The following PRKCB variants were observed in gnomAD, a reference collection of about 807,000 sequenced individuals.
PRKCB encodes the protein protein kinase C beta type.
A neutral mutation model predicts 81.5 loss-of-function variants in PRKCB; 13 were observed. The observed-to-expected ratio is 0.16, with a 90% CI of 0.10 to 0.25. The LOEUF (loss-of-function observed/expected upper bound fraction) is 0.25. PRKCB is among the 10% of genes least tolerant of loss of function. The pLI is 1.00. For missense variants in PRKCB, 509 were observed against 875.7 expected, an observed-to-expected ratio of 0.58 and a Z score of 5.29; for synonymous variants, 335 against 321.4, an observed-to-expected ratio of 1.04 and a Z score of -0.45.
At chr16:23,988,658 G>A in intron 3 of PRKCB, 68 bp downstream of exon 3, 1 of 1,392,222 alleles carries the variant, frequency 7.2e-7, no homozygotes. Flanking sequence ...AAATGTGAGT[G>A]AGCATTCTTA....
intron 13 of PRKCB, among the ~76,000 whole-genome samples, chr16:24,183,718 C>T (rs1967661788): frequency 6.6e-6 from 1 of 152,184 alleles, no homozygotes; most frequent in Non-Finnish European, 1.5e-5. Context: ...AGTTAAGTAA[C>T]TTCTCCTGTG....
At chr16:24,036,989 T>C (rs996766870) in intron 5 of PRKCB, among the ~76,000 whole-genome samples, 3 of 152,166 alleles carry the variant, frequency 2.0e-5, no homozygotes, top group Non-Finnish European at 4.4e-5. Context: ...CATTGTGAAA[T>C]CTCTATTATT....
At chr16:23,884,639 A>G (rs1446000052) in intron 2 of PRKCB, among the ~76,000 whole-genome samples, 2 of 152,088 alleles carry the variant, frequency 1.3e-5, no homozygotes, top group East Asian at 1.9e-4. Flanking sequence ...GCCTAAAACA[A>G]TCCTCCCACC....
chr16:24,154,479 A>G (rs758838583), intron 9 of PRKCB, among the ~76,000 whole-genome samples: 22 of 152,264 alleles, frequency 1.4e-4, no homozygotes, highest in Middle Eastern at 6.8e-3. Flanking sequence ...TGATCATGCT[A>G]TTGCAATCTA....
chr16:24,215,367 C>T lies in PRKCB; in HGVS notation c.*551C>T. ...ACTCAAAGTTAAGATGATCAAAGTT[C>T]TAAAATTCCAAGAATGTGCTTTTAG... On this transcript the variant is annotated 3_prime_UTR_variant, in exon 17 of 17. Coordinates refer to ENST00000643927, the MANE Select transcript of PRKCB (RefSeq NM_002738.7). 1 of 986,078 alleles carries T rather than the reference C, an allele frequency of 1.0e-6. No homozygotes were observed. Among genetic ancestry groups the T allele is most frequent in the Non-Finnish European group, 1.2e-6 (1 of 830,142 alleles). 61.1% of individuals were successfully genotyped at this position (986,078 alleles called of 1,614,324 possible). A position where few individuals can be genotyped will look rare whatever the true frequency, so the allele number is the denominator to read the frequency against.
chr16:23,885,633 C>T (rs1963186997), intron 2 of PRKCB, among the ~76,000 whole-genome samples: 1 of 152,234 alleles, frequency 6.6e-6, no homozygotes. Context: ...CCCCTCTTTG[C>T]CCCCTTTTCT....
At position 23,858,417 on chromosome 16, in the gene PRKCB, A is replaced by T. The variant is rs532030619; in HGVS notation, c.205+21011A>T. Among the ~76,000 whole-genome samples the T allele has an allele frequency of 2.8e-3, 430 of 152,314 alleles. 1 individual carries two copies. The highest frequency in any genetic ancestry group is 4.8e-3 in the Non-Finnish European group (325 of 68,022). On this transcript the variant is annotated intron_variant, in intron 2 of 16. Transcript: ENST00000643927. ...ATGGCAACCAGGAAGGATCTGGTAT[A>T]CGGGATGGTGATAAGGCCCATCTCT...
At chr16:24,158,559 T>A (rs113661651) in intron 10 of PRKCB, among the ~76,000 whole-genome samples, 4,378 of 144,222 alleles carry the variant, frequency 0.03, 91 homozygotes, top group Middle Eastern at 0.047. Flanking sequence ...TATATGTATA[T>A]GTATATGTAT....
intron 2 of PRKCB, among the ~76,000 whole-genome samples, chr16:23,938,402 C>T (rs1340167487): frequency 6.6e-6 from 1 of 152,166 alleles, no homozygotes; most frequent in African/African-American, 2.4e-5. Context: ...AAATTAGGAA[C>T]TTAAGAATGA....
At chr16:24,167,011 C>CTCTCTCTCACTTACT (rs1967357624) in intron 10 of PRKCB, among the ~76,000 whole-genome samples, 2 of 152,158 alleles carry the variant, frequency 1.3e-5, no homozygotes, top group East Asian at 3.9e-4. Context: ...CAAGTGAAAT[C>CTCTCTCTCACTTACT]TCTCTCTCAC....
At chr16:23,910,771 C>T (rs957308818) in intron 2 of PRKCB, among the ~76,000 whole-genome samples, 2 of 152,106 alleles carry the variant, frequency 1.3e-5, no homozygotes, top group Non-Finnish European at 2.9e-5. Flanking sequence ...AATTCCAGAA[C>T]ATTCTCATCA....
chr16:24,209,936 C>T (rs1234563293), intron 16 of PRKCB, among the ~76,000 whole-genome samples: 1 of 151,306 alleles, frequency 6.6e-6, no homozygotes, highest in South Asian at 2.1e-4. Flanking sequence ...AGACCCCACA[C>T]ACACACCCTG....
At chr16:23,966,287 C>T (rs1261545710) in intron 2 of PRKCB, among the ~76,000 whole-genome samples, 2 of 152,188 alleles carry the variant, frequency 1.3e-5, no homozygotes, top group East Asian at 1.9e-4. Context: ...ACGGTTTCCT[C>T]CTCTACCATC....
At chr16:23,938,678 T>C (rs8055482) in intron 2 of PRKCB, among the ~76,000 whole-genome samples, 59,832 of 152,102 alleles carry the variant, frequency 0.39, 12,038 homozygotes, top group South Asian at 0.55. Context: ...TTTACTTAAT[T>C]TTTCATCTTT....
rs1391826679 is a variant in PRKCB at position 24,185,141 on chromosome 16, G to A, written c.1564G>A (p.Val522Met). 2.5e-6 allele frequency: 4 copies of A among 1,614,066 alleles called. No individual in the cohort carries two copies. Among genetic ancestry groups the A allele is most frequent in the South Asian group, 1.1e-5 (1 of 91,070 alleles). The change falls in exon 14 of 17, where the codon GTG becomes ATG. Residue 522 changes from valine to methionine, a missense_variant. Physicochemically the swap from Val to Met is conservative, Grantham distance 21. Around this residue, in one of 6 missense-constraint regions of PRKCB, gnomAD observed 106 missense variants for 214.0 expected, o/e 0.50. Coordinates refer to ENST00000643927, the MANE Select transcript of PRKCB (RefSeq NM_002738.7). ...IIAYQPYGKSVDWWAFGVLLY... is the reference protein window; with the variant it reads ...IIAYQPYGKSMDWWAFGVLLY... ...TGCTTATCAGCCCTATGGGAAGTCC[G>A]TGGATTGGTGGGCATTTGGAGTCCT... is the stretch of plus-strand genomic sequence containing the variant.
At chr16:24,027,121 G>T (rs995335819) in intron 3 of PRKCB, among the ~76,000 whole-genome samples, 2 of 152,080 alleles carry the variant, frequency 1.3e-5, no homozygotes, top group Non-Finnish European at 2.9e-5. Flanking sequence ...TCTACATTAG[G>T]TATTTCTCCT....
intron 2 of PRKCB, among the ~76,000 whole-genome samples, chr16:23,933,518 G>T (rs1056676835): frequency 6.6e-6 from 1 of 152,202 alleles, no homozygotes. Context: ...AGCATGCATT[G>T]TTGGGGAAGA....
chr16:24,137,098 A>G (rs1966867636), intron 9 of PRKCB, among the ~76,000 whole-genome samples: 1 of 149,044 alleles, frequency 6.7e-6, no homozygotes. Context: ...CATGTTGGCC[A>G]GGCTAGTCTT....
At chr16:24,197,296 G>A (rs1467129776) in intron 16 of PRKCB, among the ~76,000 whole-genome samples, 1 of 152,168 alleles carries the variant, frequency 6.6e-6, no homozygotes, top group Non-Finnish European at 1.5e-5. Context: ...ATGTCCTTAT[G>A]ATAGAGTAGG....
Sources: allele counts gnomAD v4.1 joint callset (sites outside exome capture counted in the v4.1 genomes callset), GRCh38; gene constraint gnomAD v4.1.1; regional missense constraint gnomAD v4.1.1; transcripts MANE v1.5; gene names NCBI Gene and HGNC (gene_info 2026-07-23, HGNC 2026-07-21).